PIEZO2: variants seen among roughly 807,000 people sequenced by gnomAD.
PIEZO2 encodes the protein piezo type mechanosensitive ion channel component 2.
A neutral mutation model predicts 337.3 loss-of-function variants in PIEZO2; 172 were observed. The observed-to-expected ratio is 0.51, with a 90% CI of 0.45 to 0.58. The LOEUF is 0.58. Ranked by LOEUF, PIEZO2 falls within the 20% of genes least tolerant of loss-of-function variation. The pLI, the probability that PIEZO2 is intolerant of heterozygous loss-of-function variation, is 0.00. For missense variants in PIEZO2, 3,028 were observed against 3,391.3 expected, an observed-to-expected ratio of 0.89 and a Z score of 2.66; for synonymous variants, 1,251 against 1,228.5, an observed-to-expected ratio of 1.02 and a Z score of -0.38.
chr18:10,715,360 A>T (rs935069567), intron 38 of PIEZO2, among the ~76,000 whole-genome samples: 1 of 152,216 alleles, frequency 6.6e-6, no homozygotes, highest in African/African-American at 2.4e-5. Flanking sequence ...AGATATAGGG[A>T]TATAGAACAA....
chr18:10,722,149 CA>C (rs57201451), intron 36 of PIEZO2, among the ~76,000 whole-genome samples: 29,411 of 125,058 alleles, frequency 0.24, 3,644 homozygotes, highest in East Asian at 0.42. Flanking sequence ...GACTCCATCT[CA>C]AAAAAAAAAA....
chr18:11,006,685 T>C (rs2145633966), intron 2 of PIEZO2, among the ~76,000 whole-genome samples: 1 of 152,232 alleles, frequency 6.6e-6, no homozygotes, highest in East Asian at 1.9e-4. Context: ...TTCTTTCCTT[T>C]CTTTCCTCCT....
In PIEZO2 at chr18:11,132,434, A is replaced by G. The variant is rs1183305491; in HGVS notation, c.64+16091T>C. On this transcript the variant is annotated intron_variant, in intron 1 of 55. Transcript: ENST00000674853. The surrounding 1 kb of genome is among the most constrained non-coding windows in gnomAD (Gnocchi z 4.7). ...ACAATTACAATGCCAGCTAGGTAAC[A>G]GTACTTTGCAGGGCTGGGGCAAAGT... Among the ~76,000 whole-genome samples, 1 of 152,204 alleles carries G rather than the reference A, an allele frequency of 6.6e-6. No individual in the cohort carries two copies. Among genetic ancestry groups the G allele is most frequent in the Non-Finnish European group, 1.5e-5 (1 of 68,028 alleles).
At position 10,899,790 on chromosome 18, in the gene PIEZO2, A is replaced by G. The variant is rs887106344; in HGVS notation, c.329+11396T>C. Among the ~76,000 whole-genome samples, 4 of 152,142 alleles carry G rather than the reference A, an allele frequency of 2.6e-5. No homozygotes were observed. The highest frequency in any genetic ancestry group is 4.8e-5 in the African/African-American group (2 of 41,436). On this transcript the variant is annotated intron_variant, in intron 4 of 55. Transcript: ENST00000674853. This position sits in a 1 kb window ranked among gnomAD's most constrained non-coding sequence, Gnocchi z 4.6. ...CTTCATGCCCCTCATGAAACCTACA[A>G]TGTTCATGCTAACACCTCTGACTTT... is the stretch of plus-strand genomic sequence containing the variant.
rs1162618346 is a variant in PIEZO2, at chr18:11,047,583, G to A, written c.160+18544C>T. On this transcript the variant is annotated intron_variant, in intron 2 of 55. Transcript: ENST00000674853. The surrounding 1 kb of genome is among the most constrained non-coding windows in gnomAD (Gnocchi z 7.2). ...TCCTTTTAGCAGAAAACAGTTCCCA[G>A]AACAGACACAGCCATGAGCTTTCAG... Among the ~76,000 whole-genome samples the A allele has an allele frequency of 6.6e-6, 1 of 152,134 alleles. No homozygotes were observed. The highest frequency in any genetic ancestry group is 2.4e-5 in the African/African-American group (1 of 41,424).
Position 10,759,608 on chromosome 18 carries a change from G to A in PIEZO2, c.3656-25C>T, listed in dbSNP as rs2038035422. 3 of 1,535,212 alleles carry A rather than the reference G, an allele frequency of 2.0e-6. No homozygotes were observed. The highest frequency in any genetic ancestry group is 1.7e-4 in the Middle Eastern group (1 of 5,988). ...TCTGCAGGGAGGGAAGTGGCGAACA[G>A]CACAATCAATACTCTTCTTCACCAC... On this transcript the variant is annotated intron_variant, in intron 25 of 55. Coordinates refer to ENST00000674853, the MANE Select transcript of PIEZO2 (RefSeq NM_001378183.1). The surrounding 1 kb of genome is among the most constrained non-coding windows in gnomAD (Gnocchi z 5.5).
At chr18:10,745,609 C>T (rs1259823753) in intron 30 of PIEZO2, among the ~76,000 whole-genome samples, 1 of 152,156 alleles carries the variant, frequency 6.6e-6, no homozygotes. Flanking sequence ...GCTCCTAAGG[C>T]AACGTGCTCT....
chr18:10,869,076 C>T (rs998731089), intron 5 of PIEZO2, among the ~76,000 whole-genome samples: 3 of 152,144 alleles, frequency 2.0e-5, no homozygotes, highest in African/African-American at 7.2e-5. Context: ...TGGAGAAGGA[C>T]AAAATGAGCA....
At chr18:10,763,474 A>C (rs11661861) in intron 21 of PIEZO2, among the ~76,000 whole-genome samples, 45,980 of 151,846 alleles carry the variant, frequency 0.3, 7,314 homozygotes, top group East Asian at 0.45. Flanking sequence ...GAAAGATGAG[A>C]GGTGGATTCT....
chr18:10,682,528 G>A lies in PIEZO2; in HGVS notation c.7498-236C>T, dbSNP rs558556030. Among the ~76,000 whole-genome samples the A allele has an allele frequency of 8.5e-4, 129 of 152,304 alleles. 1 individual carries two copies. The highest frequency in any genetic ancestry group is 3.0e-3 in the African/African-American group (125 of 41,580). On this transcript the variant is annotated intron_variant, in intron 49 of 55. Coordinates refer to ENST00000674853, the MANE Select transcript of PIEZO2 (RefSeq NM_001378183.1). The surrounding 1 kb of genome is among the most constrained non-coding windows in gnomAD (Gnocchi z 5.6). ...TCCAGTACCCCCTGGTGGATCCACA[G>A]GGGCCAACAGGACTTAAGCGGCCTT...
chr18:10,908,530 T>A (rs1372458478), intron 4 of PIEZO2: 1 of 152,232 alleles, frequency 6.6e-6, no homozygotes, highest in Admixed American at 6.5e-5. Flanking sequence ...AAGCCATATA[T>A]AACAGTACTG....
rs1432481444 is a variant in PIEZO2 at position 10,750,109 on chromosome 18, C to T, written c.4246G>A (p.Val1416Ile). ...LIQAFSLACTVKGYQMPAANS... is the reference protein window; with the variant it reads ...LIQAFSLACTIKGYQMPAANS... Reference sequence around the variant, plus strand: ...TACTTACGCATTTGATAGCCTTTGACTGTGCAGGCCAGGCTGAAAGCCTGG... The same window carrying T: ...TACTTACGCATTTGATAGCCTTTGATTGTGCAGGCCAGGCTGAAAGCCTGG... The change falls in exon 29 of 56, where the codon GTC becomes ATC. Residue 1416 changes from valine (V) to isoleucine (I), a missense_variant. Around this residue, in one of 5 missense-constraint regions of PIEZO2, gnomAD observed 1,925 missense variants for 2,051.9 expected, o/e 0.94. Transcript: ENST00000674853. The surrounding 1 kb of genome is among the most constrained non-coding windows in gnomAD (Gnocchi z 4.1). The T allele has an allele frequency of 6.5e-7, 1 of 1,536,876 alleles. No individual in the cohort carries two copies. The highest frequency in any genetic ancestry group is 2.0e-5 in the Admixed American group (1 of 51,002).
intron 3 of PIEZO2, among the ~76,000 whole-genome samples, chr18:10,917,200 A>T (rs931727180): frequency 2.0e-5 from 3 of 151,878 alleles, no homozygotes; most frequent in African/African-American, 7.3e-5. Flanking sequence ...ATTTCCTCTA[A>T]TTTTTTTCTG....
intron 3 of PIEZO2, among the ~76,000 whole-genome samples, chr18:10,949,908 G>A (rs377281097): frequency 1.3e-5 from 2 of 152,140 alleles, no homozygotes; most frequent in African/African-American, 4.8e-5. Flanking sequence ...GGCTCAGAAG[G>A]CCTTCTAATA....
At chr18:11,139,319 T>A (rs1372050807) in intron 1 of PIEZO2, among the ~76,000 whole-genome samples, 1 of 152,184 alleles carries the variant, frequency 6.6e-6, no homozygotes, top group Non-Finnish European at 1.5e-5. Context: ...ATAGTACATT[T>A]CACCTTGAAC....
At position 10,870,254 on chromosome 18, in the gene PIEZO2, A is replaced by G. The variant is rs774830562; in HGVS notation, c.492+999T>C. 1.3e-4 allele frequency among the ~76,000 whole-genome samples: 20 copies of G among 152,184 alleles called. No individual in the cohort carries two copies. Among genetic ancestry groups the G allele is most frequent in the Non-Finnish European group, 2.4e-4 (16 of 68,036 alleles). On this transcript the variant is annotated intron_variant, in intron 5 of 55. Coordinates refer to ENST00000674853, the MANE Select transcript of PIEZO2 (RefSeq NM_001378183.1). The surrounding 1 kb of genome is among the most constrained non-coding windows in gnomAD (Gnocchi z 5.3). ...TTGTTTTTTAAATAAGCATACAAGG[A>G]AATTGTCTGCTTTCTTGTGAACCAT...
At chr18:11,063,565 C>T (rs2038046899) in intron 2 of PIEZO2, among the ~76,000 whole-genome samples, 1 of 152,108 alleles carries the variant, frequency 6.6e-6, no homozygotes, top group Non-Finnish European at 1.5e-5. Context: ...AAGAAAAATA[C>T]CTCATCAGAC....
chr18:11,107,945 G>T (rs6505617), intron 1 of PIEZO2, among the ~76,000 whole-genome samples: 97,264 of 152,052 alleles, frequency 0.64, 32,422 homozygotes, highest in African/African-American at 0.84. Flanking sequence ...TATATTCACT[G>T]GTTCTGACTT....
chr18:10,879,132 A>C (rs951766328), intron 4 of PIEZO2, among the ~76,000 whole-genome samples: 2 of 152,234 alleles, frequency 1.3e-5, no homozygotes, highest in African/African-American at 4.8e-5. Context: ...CCTAATCATA[A>C]GTATACACTA....
Sources: gnomAD v4.1 joint callset for allele counts (sites outside exome capture counted in the v4.1 genomes callset) on GRCh38, gnomAD v4.1.1 for gene constraint, gnomAD v4.1.1 regional missense constraint, Gnocchi (gnomAD v3.1) non-coding constraint, MANE v1.5 for transcripts, NCBI Gene and HGNC (gene_info 2026-07-23, HGNC 2026-07-21) for gene names.